PEX7: variants seen among roughly 807,000 people sequenced by gnomAD.
PEX7 encodes the protein PTS2 receptor.
A neutral mutation model predicts 47.5 loss-of-function variants in PEX7; 34 were observed. The observed-to-expected ratio is 0.72, with a 90% CI of 0.54 to 0.95. The LOEUF (loss-of-function observed/expected upper bound fraction) is 0.95, where lower values mean the gene tolerates loss of function less well. Among genes scored for constraint, PEX7 ranks in the 40% least tolerant of loss-of-function variants. The pLI is 0.00. For missense variants in PEX7, 394 were observed against 400.3 expected (o/e 0.98, Z 0.13); for synonymous variants, 141 against 148.8 (o/e 0.95, Z 0.38).
At chr6:136,875,461 T>TA (rs527344572) in intron 8 of PEX7, among the ~76,000 whole-genome samples, 1 of 152,184 alleles carries the variant, frequency 6.6e-6, no homozygotes, top group African/African-American at 2.4e-5. Flanking sequence ...CCTTTTAACT[T>TA]AAAAAAATTT....
intron 6 of PEX7, among the ~76,000 whole-genome samples, chr6:136,867,461 A>T (rs993379677): frequency 1.3e-5 from 2 of 152,122 alleles, no homozygotes; most frequent in South Asian, 4.1e-4. Flanking sequence ...GTCCTAAACT[A>T]ATATGTGTGC....
intron 5 of PEX7, chr6:136,855,568 G>C (rs1000576313): frequency 5.8e-6 from 1 of 173,166 alleles, no homozygotes; most frequent in African/African-American, 2.4e-5. Context: ...TCAAGCTCCT[G>C]ACCTCAGGTA....
chr6:136,823,866 G>A (rs1159510485), intron 1 of PEX7, among the ~76,000 whole-genome samples: 1 of 152,136 alleles, frequency 6.6e-6, no homozygotes, highest in Non-Finnish European at 1.5e-5. Flanking sequence ...CTCCAGCCTG[G>A]GCAAGAAGAG....
intron 8 of PEX7, among the ~76,000 whole-genome samples, chr6:136,875,051 A>C (rs2115234887): frequency 6.6e-6 from 1 of 152,252 alleles, no homozygotes; most frequent in South Asian, 2.1e-4. Context: ...AGGCAGGAGA[A>C]TTGCTTGAAC....
chr6:136,826,182 G>A (rs1774187346), intron 2 of PEX7, 137 bp from the exon 3 acceptor site: 2 of 920,786 alleles, frequency 2.2e-6, no homozygotes, highest in Non-Finnish European at 1.7e-6. Flanking sequence ...TCCCGTAGTT[G>A]TGCAGATTAC....
intron 8 of PEX7, among the ~76,000 whole-genome samples, chr6:136,877,186 G>T (rs527423171): frequency 2.1e-5 from 3 of 145,518 alleles, no homozygotes; most frequent in Admixed American, 6.9e-5. Flanking sequence ...TGATGGGGTT[G>T]TTTTTTTTTT....
At chr6:136,855,804 A>G (rs531685849) in intron 5 of PEX7, 1 of 310,944 alleles carries the variant, frequency 3.2e-6, no homozygotes, top group Admixed American at 4.0e-5. Flanking sequence ...AAAGACATAC[A>G]TCCAGTTGGC....
chr6:136,913,555 A>T lies in PEX7; in HGVS notation c.*29A>T, dbSNP rs762147454. The T allele has an allele frequency of 1.4e-6, 2 of 1,451,526 alleles. No homozygotes were observed. The highest frequency in any genetic ancestry group is 2.3e-5 in the South Asian group (2 of 87,894). 89.9% of individuals were successfully genotyped at this position (1,451,526 alleles called of 1,614,324 possible). ...ACACTACTTTGGTCAGAAACAGAGG[A>T]TGTTGGCTGAAGAACTGCCTAACAG... On this transcript the variant is annotated 3_prime_UTR_variant, in exon 10 of 10. Transcript: ENST00000318471.
chr6:136,863,743 G>A (rs950236263), intron 5 of PEX7, among the ~76,000 whole-genome samples: 4 of 151,954 alleles, frequency 2.6e-5, no homozygotes, highest in African/African-American at 9.7e-5. Flanking sequence ...CCCCGTCTCT[G>A]CCAAAAATAG....
intron 8 of PEX7, among the ~76,000 whole-genome samples, chr6:136,883,209 T>G (rs1315546575): frequency 6.6e-6 from 1 of 152,194 alleles, no homozygotes; most frequent in Non-Finnish European, 1.5e-5. Flanking sequence ...GTAATGTTAA[T>G]TTATTAATTT....
chr6:136,826,942 A>C (rs994716137), intron 3 of PEX7, among the ~76,000 whole-genome samples: 1 of 152,226 alleles, frequency 6.6e-6, no homozygotes, highest in African/African-American at 2.4e-5. Context: ...TTATATCTAA[A>C]TCTGGTTCAT....
chr6:136,865,669 T>C (rs1562743740), intron 5 of PEX7, among the ~76,000 whole-genome samples: 2 of 152,082 alleles, frequency 1.3e-5, no homozygotes, highest in African/African-American at 4.8e-5. Flanking sequence ...TCCCAGCTAC[T>C]TGGGGGGCTG....
At chr6:136,869,333 T>C (rs906433430) in intron 6 of PEX7, among the ~76,000 whole-genome samples, 3 of 152,134 alleles carry the variant, frequency 2.0e-5, no homozygotes, top group Admixed American at 1.3e-4. Flanking sequence ...CCTCTGACTC[T>C]TGGGCTCACA....
chr6:136,866,622 A>T lies in PEX7; in HGVS notation c.527-5A>T. The T allele has an allele frequency of 6.2e-7, 1 of 1,612,352 alleles. No individual in the cohort carries two copies. Among genetic ancestry groups the T allele is most frequent in the Non-Finnish European group, 8.5e-7 (1 of 1,178,508 alleles). On this transcript the variant is annotated splice_region_variant and splice_polypyrimidine_tract_variant and intron_variant, in intron 5 of 9. Transcript: ENST00000318471. Reference sequence around the variant, plus strand: ...GGGAAATGATCAAGTCTTCCTTTTTACTAGGTGATCAGACTCTGAGAATAT... The same window carrying T: ...GGGAAATGATCAAGTCTTCCTTTTTTCTAGGTGATCAGACTCTGAGAATAT...
intron 3 of PEX7, among the ~76,000 whole-genome samples, chr6:136,844,255 C>T (rs1223444541): frequency 6.6e-6 from 1 of 152,010 alleles, no homozygotes; most frequent in East Asian, 1.9e-4. Context: ...GTGACTCCAG[C>T]TACTTAGGAG....
chr6:136,912,304 T>A (rs1775945846), intron 9 of PEX7, among the ~76,000 whole-genome samples: 1 of 152,158 alleles, frequency 6.6e-6, no homozygotes, highest in Admixed American at 6.5e-5. Flanking sequence ...TTTACTTACC[T>A]CTGTATTGAG....
chr6:136,854,986 G>A (rs916666767), intron 5 of PEX7, among the ~76,000 whole-genome samples: 4 of 152,052 alleles, frequency 2.6e-5, no homozygotes, highest in African/African-American at 9.7e-5. Flanking sequence ...TACTTGGGAG[G>A]CTGAGGCAGG....
chr6:136,857,106 A>G (rs1285682445), intron 5 of PEX7, among the ~76,000 whole-genome samples: 1 of 152,218 alleles, frequency 6.6e-6, no homozygotes, highest in African/African-American at 2.4e-5. Context: ...TGTAGTAAAA[A>G]GTCAATGCAA....
intron 8 of PEX7, among the ~76,000 whole-genome samples, chr6:136,878,480 T>G (rs1734526464): frequency 6.6e-6 from 1 of 152,188 alleles, no homozygotes; most frequent in Admixed American, 6.5e-5. Context: ...ATACTCTCCT[T>G]CAATACCTAG....
Sources: gnomAD v4.1 joint callset for allele counts (sites outside exome capture counted in the v4.1 genomes callset) on GRCh38, gnomAD v4.1.1 for gene constraint, MANE v1.5 for transcripts, NCBI Gene and HGNC (gene_info 2026-07-23, HGNC 2026-07-21) for gene names.